The following POLR3GL variants were observed in gnomAD, a reference collection of about 807,000 sequenced individuals.
POLR3GL encodes DNA-directed RNA polymerase III subunit RPC7-like.
POLR3GL carries 26 observed loss-of-function variants against 32.4 expected under a neutral mutation model. That is an observed-to-expected ratio of 0.80 (90% confidence interval 0.59 to 1.11). The LOEUF is 1.11. POLR3GL is among the 50% of genes most tolerant of loss of function. POLR3GL has a pLI of 0.00. For missense variants in POLR3GL, 229 were observed against 280.1 expected (o/e 0.82, Z 1.30); for synonymous variants, 95 against 98.7 (o/e 0.96, Z 0.22).
At chr1:145,975,061 C>A (rs1243504993) in intron 2 of POLR3GL, 70 bp downstream of exon 2, 3 of 1,486,124 alleles carry the variant, frequency 2.0e-6, no homozygotes, top group Admixed American at 4.9e-5. Flanking sequence ...CTGAATTCCT[C>A]CTGGACCATC....
chr1:145,977,249 A>C (rs1175036489), intron 4 of POLR3GL, 97 bp downstream of exon 4: 70 of 1,090,226 alleles, frequency 6.4e-5, no homozygotes, highest in Admixed American at 5.5e-4. Context: ...CCATTCCCCG[A>C]TCCAGCATCT....
chr1:145,978,491 G>A lies in POLR3GL; in HGVS notation c.*44G>A. 1 of 1,181,538 alleles carries A rather than the reference G, an allele frequency of 8.5e-7. No homozygotes were observed. The highest frequency in any genetic ancestry group is 1.3e-6 in the Non-Finnish European group (1 of 795,826). 73.2% of individuals were successfully genotyped at this position (1,181,538 alleles called of 1,614,324 possible). On this transcript the variant is annotated 3_prime_UTR_variant, in exon 8 of 8. Transcript: ENST00000369314. The stretch of plus-strand genomic sequence containing the variant: ...CGTGTCTTTCTTTAGGATACAGAGA[G>A]TAACTGTACCTATTATTTGTTTCTT...
At position 145,975,009 on chromosome 1, in the gene POLR3GL, C is replaced by T. The variant is rs1168307328; in HGVS notation, c.126+18C>T. The T allele has an allele frequency of 5.3e-6, 8 of 1,507,738 alleles. No homozygotes were observed. Among genetic ancestry groups the T allele is most frequent in the Non-Finnish European group, 7.1e-6 (8 of 1,130,884 alleles). The allele number at this position is 1,507,738 out of a possible 1,614,324, so 93.4% of individuals were successfully genotyped here. On this transcript the variant is annotated intron_variant, in intron 2 of 7. Coordinates refer to ENST00000369314, the MANE Select transcript of POLR3GL (RefSeq NM_032305.3). ...TCTTCCCTGTGAGTCTCTCCACTCC[C>T]TTCCCAGACTCTCATGTGCCCCTGG...
intron 1 of POLR3GL, among the ~76,000 whole-genome samples, chr1:145,967,531 A>G (rs964097817): frequency 3.3e-5 from 5 of 151,966 alleles, no homozygotes; most frequent in African/African-American, 9.7e-5. Flanking sequence ...TTTTCTATTG[A>G]GATGATTTTT....
rs1650404831 is a variant in POLR3GL at position 145,973,241 on chromosome 1, C to G, written c.-41-1584C>G. On this transcript the variant is annotated intron_variant, in intron 1 of 7. Coordinates refer to ENST00000369314, the MANE Select transcript of POLR3GL (RefSeq NM_032305.3). ...TTTCTTTTCATCTGGTGATTTTATT[C>G]CCCCATCCTAGCTGCCTCTGACTGG... is the stretch of plus-strand genomic sequence containing the variant. Among the ~76,000 whole-genome samples, 2 of 152,032 alleles carry G rather than the reference C, an allele frequency of 1.3e-5. 1 individual carries two copies. Among genetic ancestry groups the G allele is most frequent in the South Asian group, 4.1e-4 (2 of 4,822 alleles).
intron 1 of POLR3GL, among the ~76,000 whole-genome samples, chr1:145,974,025 G>C (rs1446376719): frequency 1.3e-5 from 2 of 149,744 alleles, no homozygotes; most frequent in African/African-American, 2.5e-5. Context: ...CCAGCTACTT[G>C]GGAGGCTAAG....
chr1:145,975,411 C>T lies in POLR3GL; in HGVS notation c.231C>T (p.Phe77=), dbSNP rs782758424. ...GAGCCATGAGGCAGCTCCCCTACTT[C>T]ATCCGGCCAGCTGTCCCCAAGAGAG... ...LRGAMRQLPY[F]IRPAVPKRDV... is the part of the protein sequence containing the mutation. The change falls in exon 3 of 8, where the codon TTC becomes TTT. Residue 77 remains phenylalanine, a synonymous_variant. Transcript: ENST00000369314. 2 of 1,614,050 alleles carry T rather than the reference C, an allele frequency of 1.2e-6. No homozygotes were observed. Among genetic ancestry groups the T allele is most frequent in the Non-Finnish European group, 1.7e-6 (2 of 1,179,888 alleles).
rs1406628134 is a variant in POLR3GL at position 145,978,233 on chromosome 1, C to T, written c.571-128C>T. The T allele has an allele frequency of 8.3e-6, 11 of 1,318,310 alleles. No individual in the cohort carries two copies. The African/African-American group carries it at 1.2e-4, about 14-fold the overall frequency. 81.7% of individuals were successfully genotyped at this position (1,318,310 alleles called of 1,614,324 possible). A position where few individuals can be genotyped will look rare whatever the true frequency, so the allele number is the denominator to read the frequency against. On this transcript the variant is annotated intron_variant, in intron 7 of 7. Transcript: ENST00000369314. ...GCTTCTCTCTACTTCATCTGCCCCC[C>T]TTCTACAAACTACAGCTGGAAGAGA...
intron 1 of POLR3GL, among the ~76,000 whole-genome samples, chr1:145,966,509 C>G (rs1238392580): frequency 6.9e-6 from 1 of 145,952 alleles, no homozygotes; most frequent in Admixed American, 6.8e-5. Context: ...AAAAAGAGGC[C>G]GGGCGTGATG....
chr1:145,975,044 C>T (rs1650488356), intron 2 of POLR3GL, 53 bp downstream of exon 2: 5 of 1,499,094 alleles, frequency 3.3e-6, no homozygotes, highest in Non-Finnish European at 4.4e-6. Context: ...GCTGACTGTA[C>T]ATGATTCTGA....
chr1:145,977,434 G>A lies in POLR3GL; in HGVS notation c.326-49G>A, dbSNP rs782474438. ...CTTTAAAACCAGTCAGTATTCACTG[G>A]AGACCCCAGGCAGGGTCCTATTGAC... On this transcript the variant is annotated intron_variant, in intron 4 of 7. Transcript: ENST00000369314. The A allele has an allele frequency of 5.1e-6, 8 of 1,559,144 alleles. 1 individual carries two copies. In the South Asian group the frequency reaches 7.8e-5, roughly 15 times the overall value.
rs782217239 is a variant in POLR3GL at position 145,972,851 on chromosome 1, C to T, written c.-41-1974C>T. Among the ~76,000 whole-genome samples the T allele has an allele frequency of 5.3e-5, 8 of 152,120 alleles. No homozygotes were observed. The Middle Eastern group carries it at 0.014, about 259-fold the overall frequency. ...ACCCAGTGACCACGGGTGCATGCCACCATGCCTGGCTAATTTTTGTATTTT... is the reference window on the plus strand; with the variant it reads ...ACCCAGTGACCACGGGTGCATGCCATCATGCCTGGCTAATTTTTGTATTTT... On this transcript the variant is annotated intron_variant, in intron 1 of 7. Coordinates refer to ENST00000369314, the MANE Select transcript of POLR3GL (RefSeq NM_032305.3).
chr1:145,967,903 C>T (rs1553762216), intron 1 of POLR3GL, among the ~76,000 whole-genome samples: 1 of 152,156 alleles, frequency 6.6e-6, no homozygotes, highest in East Asian at 1.9e-4. Context: ...TCCCATTTTA[C>T]AGATGAGGAA....
chr1:145,966,681 C>CG (rs1650051590), intron 1 of POLR3GL, among the ~76,000 whole-genome samples: 1 of 151,108 alleles, frequency 6.6e-6, no homozygotes. Context: ...CCCAGTTACT[C>CG]GGGGGGCTGA....
intron 1 of POLR3GL, among the ~76,000 whole-genome samples, chr1:145,974,603 CT>C (rs1553763114): frequency 6.6e-6 from 1 of 152,164 alleles, no homozygotes; most frequent in East Asian, 1.9e-4. Flanking sequence ...CTCCTTTGTG[CT>C]AAACTATATT....
At chr1:145,968,781 C>G (rs966858132) in intron 1 of POLR3GL, among the ~76,000 whole-genome samples, 3 of 152,018 alleles carry the variant, frequency 2.0e-5, no homozygotes, top group Admixed American at 6.6e-5. Context: ...CTTTGTTGGT[C>G]AGGCTGGTCT....
At chr1:145,969,192 G>A (rs1650168566) in intron 1 of POLR3GL, among the ~76,000 whole-genome samples, 1 of 152,202 alleles carries the variant, frequency 6.6e-6, no homozygotes. Context: ...TCGACTGCCT[G>A]GGCCCAAGTG....
intron 1 of POLR3GL, among the ~76,000 whole-genome samples, chr1:145,967,676 C>T (rs587773731): frequency 6.6e-6 from 1 of 152,322 alleles, no homozygotes; most frequent in South Asian, 2.1e-4. Context: ...ACATCCACTC[C>T]TTTAGGGGTC....
In POLR3GL at chr1:145,977,522, G is replaced by A. The variant is rs149901059; in HGVS notation, c.365G>A (p.Arg122Gln). The change falls in exon 5 of 8, where the codon CGG becomes CAG. Residue 122 changes from arginine (R) to glutamine (Q), a missense_variant. Arg to Gln is a conservative substitution (Grantham distance 43, BLOSUM62 1). Coordinates refer to ENST00000369314, the MANE Select transcript of POLR3GL (RefSeq NM_032305.3). Reference protein sequence around the residue: ...RLPRELKIRVRKLQKERITIL... With the variant: ...RLPRELKIRVQKLQKERITIL... ...CCCCGGGAGCTAAAGATCCGAGTGCGGAAGCTACAGAAGGAACGTGAGTGT... is the reference window on the plus strand; with the variant it reads ...CCCCGGGAGCTAAAGATCCGAGTGCAGAAGCTACAGAAGGAACGTGAGTGT... The A allele has an allele frequency of 3.5e-5, 57 of 1,613,926 alleles. No homozygotes were observed. The highest frequency in any genetic ancestry group is 1.6e-4 in the Middle Eastern group (1 of 6,084).
Sources: gnomAD v4.1 joint callset for allele counts (sites outside exome capture counted in the v4.1 genomes callset) on GRCh38, gnomAD v4.1.1 for gene constraint, MANE v1.5 for transcripts, NCBI Gene and HGNC (gene_info 2026-07-23, HGNC 2026-07-21) for gene names.